Variants in DHX29 observed in about 807,000 individuals in gnomAD.
DHX29 encodes DExH-box helicase 29, also known as ATP-dependent RNA helicase DHX29.
A neutral mutation model predicts 167.9 loss-of-function variants in DHX29; 79 were observed. That is an observed-to-expected ratio of 0.47 (90% confidence interval 0.39 to 0.57). The LOEUF (loss-of-function observed/expected upper bound fraction) is 0.57, where lower values mean the gene tolerates loss of function less well. Ranked by LOEUF, DHX29 falls within the 20% of genes least tolerant of loss-of-function variation. The pLI, the probability that DHX29 is intolerant of heterozygous loss-of-function variation, is 0.00. For synonymous variants in DHX29, 530 were observed against 546.0 expected (o/e 0.97, Z 0.41); for missense variants, 1,347 against 1,593.4 (o/e 0.85, Z 2.63).
chr5:55,297,269 A>G lies in DHX29; in HGVS notation c.375+16T>C, dbSNP rs1748372838. ...CTTCACTAAAACTAAGGAACTTTAA[A>G]AAGTTTGCAAAATACCTGCAATTTT... On this transcript the variant is annotated intron_variant, in intron 3 of 26. Transcript: ENST00000251636. 2 of 1,282,836 alleles carry G rather than the reference A, an allele frequency of 1.6e-6. No homozygotes were observed. Among genetic ancestry groups the G allele is most frequent in the African/African-American group, 2.9e-5 (2 of 68,236 alleles). 79.5% of individuals were successfully genotyped at this position (1,282,836 alleles called of 1,614,324 possible). A position where few individuals can be genotyped will look rare whatever the true frequency, so the allele number is the denominator to read the frequency against.
chr5:55,282,226 C>G (rs1390343848), intron 11 of DHX29, among the ~76,000 whole-genome samples: 1 of 152,114 alleles, frequency 6.6e-6, no homozygotes, highest in Admixed American at 6.5e-5. Flanking sequence ...TTGAGGTACT[C>G]AGGAATGGAA....
intron 6 of DHX29, 133 bp downstream of exon 6, chr5:55,293,884 T>C: frequency 3.2e-6 from 3 of 950,650 alleles, no homozygotes; most frequent in Non-Finnish European, 4.4e-6. Context: ...CTAAGTGTTA[T>C]TTTATTTAAT....
intron 6 of DHX29, among the ~76,000 whole-genome samples, chr5:55,291,664 A>C (rs979093681): frequency 1.3e-5 from 2 of 152,174 alleles, no homozygotes; most frequent in Admixed American, 1.3e-4. Flanking sequence ...TATTCCCATT[A>C]AGCATAACTA....
intron 12 of DHX29, among the ~76,000 whole-genome samples, chr5:55,280,654 C>G (rs1225069541): frequency 6.6e-6 from 1 of 152,064 alleles, no homozygotes; most frequent in Non-Finnish European, 1.5e-5. Flanking sequence ...GAAACCATGC[C>G]TATAAACTTT....
At chr5:55,292,027 G>C (rs1366375899) in intron 6 of DHX29, among the ~76,000 whole-genome samples, 1 of 152,026 alleles carries the variant, frequency 6.6e-6, no homozygotes, top group Non-Finnish European at 1.5e-5. Flanking sequence ...CAATTCTTTT[G>C]AGTATATACC....
At chr5:55,258,510 T>C (rs771520088) in intron 26 of DHX29, among the ~76,000 whole-genome samples, 25 of 152,200 alleles carry the variant, frequency 1.6e-4, no homozygotes, top group Non-Finnish European at 1.6e-4. Context: ...GGACCTTGTA[T>C]TCTTTGCAAC....
At chr5:55,294,239 A>G in intron 5 of DHX29, 94 bp from the exon 6 acceptor site, 1 of 1,234,190 alleles carries the variant, frequency 8.1e-7, no homozygotes, top group Non-Finnish European at 1.1e-6. Flanking sequence ...CACACTCAAA[A>G]GCAGCAGACA....
chr5:55,272,527 G>GT (rs1378191012), intron 17 of DHX29, among the ~76,000 whole-genome samples: 1 of 152,166 alleles, frequency 6.6e-6, no homozygotes, highest in Non-Finnish European at 1.5e-5. Context: ...GTGGTCAAGA[G>GT]TTTGAGACCA....
Position 55,262,625 on chromosome 5 carries a change from T to A in DHX29, c.3828+5A>T. ...AATACTGGAATTTAGGAATGAGTACTTCACCTTCTCCTGGTATAAGAGCCA... is the reference window on the plus strand; with the variant it reads ...AATACTGGAATTTAGGAATGAGTACATCACCTTCTCCTGGTATAAGAGCCA... On this transcript the variant is annotated splice_donor_5th_base_variant and intron_variant, in intron 24 of 26. Coordinates refer to ENST00000251636, the MANE Select transcript of DHX29 (RefSeq NM_019030.4). 6.2e-7 allele frequency: 1 copy of A among 1,613,524 alleles called. No individual in the cohort carries two copies. The highest frequency in any genetic ancestry group is 8.5e-7 in the Non-Finnish European group (1 of 1,179,594).
In DHX29 at chr5:55,274,721, G is replaced by C; in HGVS notation, c.2583C>G (p.Pro861=). Residue 861 remains proline, a synonymous_variant, in exon 16 of 27, where the codon CCC becomes CCG. Coordinates refer to ENST00000251636, the MANE Select transcript of DHX29 (RefSeq NM_019030.4). ...CTGCTCCTTCAATATTTCTGAATTG[G>C]GGACTTTTATCTGAAATTTTTAAAA... ...LELLAYLDKS[P]QFRNIEGAVL... 2.5e-6 allele frequency: 4 copies of C among 1,586,728 alleles called. No homozygotes were observed. The highest frequency in any genetic ancestry group is 3.4e-6 in the Non-Finnish European group (4 of 1,171,784).
At chr5:55,296,402 G>C in intron 3 of DHX29, 53 bp from the exon 4 acceptor site, 1 of 1,560,170 alleles carries the variant, frequency 6.4e-7, no homozygotes, top group Non-Finnish European at 8.7e-7. Flanking sequence ...CCCTTCCTGT[G>C]TTACTAATTA....
chr5:55,270,684 T>A lies in DHX29; in HGVS notation c.2887A>T (p.Ser963Cys). The A allele has an allele frequency of 6.2e-7, 1 of 1,612,686 alleles. No homozygotes were observed. The highest frequency in any genetic ancestry group is 8.5e-7 in the Non-Finnish European group (1 of 1,178,710). The stretch of plus-strand genomic sequence containing the variant: ...CTGACAAACGTCTCCACCAAAGAAC[T>A]CATCTGACTGCTTTCATGGTACCTA... Reference protein sequence around the residue: ...ENKYHESSQMSSLVETFVSKA... With the variant: ...ENKYHESSQMCSLVETFVSKA... The change falls in exon 19 of 27, where the codon AGT becomes TGT. Residue 963 changes from serine to cysteine, a missense_variant. Physicochemically the swap from Ser to Cys is moderately radical, Grantham distance 112. Around this residue, in one of 3 missense-constraint regions of DHX29, gnomAD observed 882 missense variants for 1,082.4 expected, o/e 0.81. Coordinates refer to ENST00000251636, the MANE Select transcript of DHX29 (RefSeq NM_019030.4).
chr5:55,295,369 C>T lies in DHX29; in HGVS notation c.651+10G>A, dbSNP rs1748261333. ...TTTATACAACTTTAAATGCTTAATTCTCAAATTACCTTACTCTTAGGGTCC... is the reference window on the plus strand; with the variant it reads ...TTTATACAACTTTAAATGCTTAATTTTCAAATTACCTTACTCTTAGGGTCC... On this transcript the variant is annotated intron_variant, in intron 5 of 26. Transcript: ENST00000251636. 6.3e-7 allele frequency: 1 copy of T among 1,597,782 alleles called. No homozygotes were observed. The highest frequency in any genetic ancestry group is 8.6e-7 in the Non-Finnish European group (1 of 1,166,164).
In DHX29 at chr5:55,270,424, G is replaced by A. The variant is rs1746795176; in HGVS notation, c.3057C>T (p.Cys1019=). ...EILRVPLEEL[C]LHIMKCNLGS... ...CCCTTGAGATTACCATAATATGAAG[G>A]CATAATTCCTCCAAAGGTACACGTA... Residue 1019 remains cysteine (C), a synonymous_variant, in exon 20 of 27, where the codon TGC becomes TGT. Coordinates refer to ENST00000251636, the MANE Select transcript of DHX29 (RefSeq NM_019030.4). The A allele has an allele frequency of 1.2e-6, 2 of 1,609,380 alleles. No homozygotes were observed. Among genetic ancestry groups the A allele is most frequent in the East Asian group, 4.5e-5 (2 of 44,744 alleles).
At chr5:55,272,273 A>G in intron 17 of DHX29, 98 bp from the exon 18 acceptor site, 1 of 751,104 alleles carries the variant, frequency 1.3e-6, no homozygotes, top group Non-Finnish European at 2.1e-6. Context: ...TTAAAAACTG[A>G]ATTTCAATTT....
Position 55,277,272 on chromosome 5 carries a change from C to T in DHX29, c.2120G>A (p.Arg707Lys), listed in dbSNP as rs370173553. The T allele has an allele frequency of 3.1e-6, 5 of 1,593,492 alleles. No individual in the cohort carries two copies. The South Asian group carries it at 4.6e-5, about 15-fold the overall frequency. Residue 707 changes from arginine (R) to lysine (K), a missense_variant, in exon 13 of 27, where the codon AGA becomes AAA. Arg to Lys is a conservative substitution (Grantham distance 26). Transcript: ENST00000251636. The part of the protein sequence containing the change: ...SHVIVDEVHE[R>K]SVQSDFLLII... ...TAGTAGGAAGTCTGACTGGACACTTCTTTCATGAACCTAGTTTTAAAAAGG... is the reference window on the plus strand; with the variant it reads ...TAGTAGGAAGTCTGACTGGACACTTTTTTCATGAACCTAGTTTTAAAAAGG...
chr5:55,283,495 C>T lies in DHX29; in HGVS notation c.1673G>A (p.Ser558Asn), dbSNP rs1396086197. The change falls in exon 11 of 27, where the codon AGC (serine) becomes AAC (asparagine). Residue 558 changes from serine (S) to asparagine (N), a missense_variant. This residue lies in a region of DHX29 where 882 missense variants were observed against 1,082.4 expected (regional missense o/e 0.81). Coordinates refer to ENST00000251636, the MANE Select transcript of DHX29 (RefSeq NM_019030.4). ...PVRNLFRKLQ[S>N]TPKYQKLLKE... ...TAGAAGTTTCTGATACTTAGGTGTG[C>T]TTTGCAACTTTCTAAAGAGGTTTCT... 5 of 1,614,058 alleles carry T rather than the reference C, an allele frequency of 3.1e-6. No individual in the cohort carries two copies.
intron 5 of DHX29, among the ~76,000 whole-genome samples, chr5:55,294,508 A>C (rs1748209327): frequency 6.6e-6 from 1 of 152,186 alleles, no homozygotes; most frequent in Admixed American, 6.5e-5. Flanking sequence ...CCCCATCTCT[A>C]CTAAAAATAC....
chr5:55,300,051 G>A (rs1579821581), intron 1 of DHX29, among the ~76,000 whole-genome samples: 1 of 152,162 alleles, frequency 6.6e-6, no homozygotes, highest in East Asian at 1.9e-4. Context: ...AATTAAAAGG[G>A]AAATTTTAAA....
Sources: gnomAD v4.1 joint callset for allele counts (sites outside exome capture counted in the v4.1 genomes callset) on GRCh38, gnomAD v4.1.1 for gene constraint, gnomAD v4.1.1 regional missense constraint, MANE v1.5 for transcripts, NCBI Gene and HGNC (gene_info 2026-07-23, HGNC 2026-07-21) for gene names.